KCNH7: variants seen among roughly 807,000 people sequenced by gnomAD.
The protein encoded by KCNH7 is voltage-gated inwardly rectifying potassium channel KCNH7.
KCNH7 carries 49 observed loss-of-function variants against 120.8 expected under a neutral mutation model. That is an observed-to-expected ratio of 0.41 (90% CI 0.32 to 0.51). The LOEUF is 0.51. Ranked by LOEUF, KCNH7 falls within the 20% of genes least tolerant of loss-of-function variation. The probability of loss-of-function intolerance (pLI) is 0.38; values close to 1 mark genes in which losing one functional copy is unlikely to be tolerated. For synonymous variants in KCNH7, 547 were observed against 516.1 expected, an observed-to-expected ratio of 1.06 and a Z score of -0.81; for missense variants, 1,097 against 1,446.6, an observed-to-expected ratio of 0.76 and a Z score of 3.92.
chr2:162,718,114 C>T (rs934559779), intron 2 of KCNH7, among the ~76,000 whole-genome samples: 11 of 151,472 alleles, frequency 7.3e-5, no homozygotes, highest in African/African-American at 2.4e-4. Flanking sequence ...GGAAGGAAGG[C>T]TTATAAAGAA....
intron 2 of KCNH7, chr2:162,796,380 T>TA (rs1225681143): frequency 1.1e-3 from 163 of 148,776 alleles, no homozygotes; most frequent in South Asian, 1.7e-3. Context: ...CGTTTCCAAG[T>TA]AAAAAAAAAA....
chr2:162,378,948 A>G (rs1558915938), intron 14 of KCNH7, among the ~76,000 whole-genome samples: 1 of 152,238 alleles, frequency 6.6e-6, no homozygotes, highest in Non-Finnish European at 1.5e-5. Flanking sequence ...ACTTCGTTAC[A>G]TTATGGCAAA....
At chr2:162,804,996 A>G (rs1258870289) in intron 2 of KCNH7, among the ~76,000 whole-genome samples, 1 of 151,996 alleles carries the variant, frequency 6.6e-6, no homozygotes, top group Non-Finnish European at 1.5e-5. Flanking sequence ...AGGACATCCT[A>G]TTTAATAAAT....
intron 2 of KCNH7, among the ~76,000 whole-genome samples, chr2:162,548,913 A>G (rs1481167444): frequency 6.6e-6 from 1 of 152,190 alleles, no homozygotes; most frequent in Non-Finnish European, 1.5e-5. Flanking sequence ...AATATCAAAG[A>G]GTACGTTTGA....
At chr2:162,692,189 G>A (rs547043256) in intron 2 of KCNH7, among the ~76,000 whole-genome samples, 11 of 146,882 alleles carry the variant, frequency 7.5e-5, no homozygotes, top group African/African-American at 2.8e-4. Flanking sequence ...TGAGTAGTGT[G>A]ATCTCGGCTC....
At chr2:162,741,290 T>TA (rs1292099298) in intron 2 of KCNH7, among the ~76,000 whole-genome samples, 1 of 149,716 alleles carries the variant, frequency 6.7e-6, no homozygotes, top group African/African-American at 2.4e-5. Context: ...TAGTTATACA[T>TA]ATTAATAACA....
intron 2 of KCNH7, among the ~76,000 whole-genome samples, chr2:162,615,682 T>A (rs1683119118): frequency 6.6e-6 from 1 of 152,164 alleles, no homozygotes; most frequent in African/African-American, 2.4e-5. Flanking sequence ...GCAGAGTAAT[T>A]TAGAGTCATT....
intron 14 of KCNH7, among the ~76,000 whole-genome samples, chr2:162,375,326 GAT>G (rs1452729617): frequency 6.6e-6 from 1 of 152,148 alleles, no homozygotes; most frequent in African/African-American, 2.4e-5. Context: ...AAATTATCGT[GAT>G]GTTTTTGTCA....
At chr2:162,541,252 G>A (rs570075518) in intron 2 of KCNH7, among the ~76,000 whole-genome samples, 38 of 152,178 alleles carry the variant, frequency 2.5e-4, no homozygotes, top group African/African-American at 7.5e-4. Context: ...AATGGATTAC[G>A]TATAAGGACT....
chr2:162,400,100 A>G, intron 10 of KCNH7, 89 bp downstream of exon 10: 1 of 1,387,824 alleles, frequency 7.2e-7, no homozygotes, highest in Non-Finnish European at 1.0e-6. Flanking sequence ...TTATGAATAC[A>G]TACATCAGTC....
rs752090354 is a variant in KCNH7, at chr2:162,446,070, A to G, written c.1502T>C (p.Met501Thr). The G allele has an allele frequency of 1.9e-6, 3 of 1,613,758 alleles. No homozygotes were observed. Among genetic ancestry groups the G allele is most frequent in the East Asian group, 2.2e-5 (1 of 44,874 alleles). The change falls in exon 7 of 16, where the codon ATG becomes ACG. Residue 501 changes from methionine to threonine, a missense_variant. Coordinates refer to ENST00000332142, the MANE Select transcript of KCNH7 (RefSeq NM_033272.4). ...CAAGTCAAAAGGAATTGCTGCAACC[A>G]TGTCAATCAGGAACCAGCCTTTGAA... ...HYFKGWFLID[M>T]VAAIPFDLLI...
chr2:162,395,904 T>C (rs1276919525), intron 11 of KCNH7, among the ~76,000 whole-genome samples: 1 of 151,746 alleles, frequency 6.6e-6, no homozygotes, highest in Non-Finnish European at 1.5e-5. Context: ...GAGAATATAT[T>C]ACTTAGCATT....
At chr2:162,662,100 A>G (rs1453171116) in intron 2 of KCNH7, among the ~76,000 whole-genome samples, 4 of 151,998 alleles carry the variant, frequency 2.6e-5, no homozygotes, top group Admixed American at 6.6e-5. Flanking sequence ...CGTCTCTACT[A>G]AAAACTACAA....
chr2:162,389,503 G>T (rs943247923), intron 12 of KCNH7, among the ~76,000 whole-genome samples: 4 of 151,986 alleles, frequency 2.6e-5, no homozygotes, highest in Non-Finnish European at 5.9e-5. Context: ...AGGGATATTT[G>T]GAAGAGTGGG....
intron 2 of KCNH7, among the ~76,000 whole-genome samples, chr2:162,835,787 G>A (rs748110857): frequency 3.3e-5 from 5 of 152,192 alleles, no homozygotes; most frequent in African/African-American, 4.8e-5. Context: ...GAACTATTAT[G>A]TCTAACTCTT....
intron 2 of KCNH7, among the ~76,000 whole-genome samples, chr2:162,591,628 G>A (rs1226373921): frequency 6.6e-6 from 1 of 152,076 alleles, no homozygotes; most frequent in African/African-American, 2.4e-5. Flanking sequence ...AGTGAGTCAT[G>A]GGGTGACATA....
At chr2:162,592,508 A>G (rs1203312398) in intron 2 of KCNH7, among the ~76,000 whole-genome samples, 3 of 152,012 alleles carry the variant, frequency 2.0e-5, no homozygotes, top group African/African-American at 4.8e-5. Flanking sequence ...ACTCTTGGCT[A>G]TAGGCTATGG....
intron 4 of KCNH7, among the ~76,000 whole-genome samples, chr2:162,516,492 A>G (rs769907113): frequency 2.6e-5 from 4 of 151,750 alleles, no homozygotes; most frequent in Non-Finnish European, 5.9e-5. Flanking sequence ...AGAATAGAGT[A>G]TGTAATAGGG....
intron 2 of KCNH7, among the ~76,000 whole-genome samples, chr2:162,762,477 T>A (rs1689001237): frequency 6.6e-6 from 1 of 151,964 alleles, no homozygotes; most frequent in Admixed American, 6.6e-5. Flanking sequence ...GGATTTTAGA[T>A]CCATTCTGAT....
Sources: gnomAD v4.1 joint callset for allele counts (sites outside exome capture counted in the v4.1 genomes callset) on GRCh38, gnomAD v4.1.1 for gene constraint, MANE v1.5 for transcripts, NCBI Gene and HGNC (gene_info 2026-07-23, HGNC 2026-07-21) for gene names.